CLDN16: variants seen among roughly 807,000 people sequenced by gnomAD.
CLDN16 encodes the protein claudin-16.
In CLDN16, 13 loss-of-function variants were observed where a neutral mutation model predicts 24.6. The observed-to-expected ratio is 0.53, with a 90% confidence interval of 0.34 to 0.84. The LOEUF (loss-of-function observed/expected upper bound fraction) is 0.84, where lower values mean the gene tolerates loss of function less well. Ranked by LOEUF, CLDN16 falls within the 40% of genes least tolerant of loss-of-function variation. The pLI, the probability that CLDN16 is intolerant of heterozygous loss-of-function variation, is 0.01. For missense variants in CLDN16, 298 were observed against 292.7 expected (o/e 1.02, Z -0.13); for synonymous variants, 116 against 106.7 (o/e 1.09, Z -0.54).
chr3:190,356,737 T>C (rs980101676), intron 1 of CLDN16, among the ~76,000 whole-genome samples: 1 of 151,926 alleles, frequency 6.6e-6, no homozygotes, highest in African/African-American at 2.4e-5. Flanking sequence ...CCTACTGAAA[T>C]AAATATTCCA....
At chr3:190,355,187 C>T (rs1202346435) in intron 1 of CLDN16, among the ~76,000 whole-genome samples, 1 of 151,926 alleles carries the variant, frequency 6.6e-6, no homozygotes, top group Admixed American at 6.6e-5. Context: ...TTATTATATA[C>T]TTTTAGAGAT....
chr3:190,400,847 A>AT (rs1718943662), intron 1 of CLDN16, among the ~76,000 whole-genome samples: 1 of 152,158 alleles, frequency 6.6e-6, no homozygotes, highest in African/African-American at 2.4e-5. Flanking sequence ...TTGTTGGATC[A>AT]TAAAGAATGG....
At chr3:190,374,313 G>GTGTGTGTGTGTGTGTGTGTGTGT (rs761347927) in intron 2 of CLDN16, among the ~76,000 whole-genome samples, 1 of 141,084 alleles carries the variant, frequency 7.1e-6, no homozygotes, top group African/African-American at 2.6e-5. Flanking sequence ...GTGTGTGTGT[G>GTGTGTGTGTGTGTGTGTGTGTGT]GTTTTCCCTG....
chr3:190,387,476 C>T (rs1007599363), upstream of CLDN16, among the ~76,000 whole-genome samples: 4 of 152,242 alleles, frequency 2.6e-5, no homozygotes, highest in African/African-American at 9.6e-5. Context: ...CTGACAGATG[C>T]TATTCTAAGC....
At chr3:190,304,587 A>G in the CLDN16 span, among the ~76,000 whole-genome samples, 1 of 152,170 alleles carries the variant, frequency 6.6e-6, no homozygotes, top group Non-Finnish European at 1.5e-5. Context: ...TTAGGACTCA[A>G]CAAGCCATCC....
At chr3:190,306,020 T>A in the CLDN16 span, 2 of 152,218 alleles carry the variant, frequency 1.3e-5, no homozygotes, top group African/African-American at 2.4e-5. Context: ...ACACTAAAAT[T>A]TATTAGGTCC....
At chr3:190,388,079 C>T (rs192579160), upstream of CLDN16, 938 of 1,584,382 alleles carry the variant, frequency 5.9e-4, 5 homozygotes, top group African/African-American at 9.6e-3. Flanking sequence ...TCAGCCCTTG[C>T]ACTGACCTGC....
At chr3:190,325,107 C>T (rs998341783) in intron 1 of CLDN16, among the ~76,000 whole-genome samples, 2 of 152,172 alleles carry the variant, frequency 1.3e-5, no homozygotes, top group Admixed American at 6.5e-5. Context: ...TGACAGCTGG[C>T]ACTTGTTGCT....
chr3:190,410,124 A>G lies in CLDN16; in HGVS notation c.*88A>G. 7.1e-7 allele frequency: 1 copy of G among 1,417,236 alleles called. No individual in the cohort carries two copies. 87.8% of individuals were successfully genotyped at this position (1,417,236 alleles called of 1,614,324 possible). A position where few individuals can be genotyped will look rare whatever the true frequency, so the allele number is the denominator to read the frequency against. On this transcript the variant is annotated 3_prime_UTR_variant, in exon 5 of 5. Coordinates refer to ENST00000264734, the MANE Select transcript of CLDN16 (RefSeq NM_006580.4). ...ATAGTAAGTCAATCCAGGAACAGTT[A>G]TTTAGAATTCATATTGAATTAAATT...
chr3:190,313,747 GCACACACAATAA>G, the CLDN16 span, among the ~76,000 whole-genome samples: 1 of 152,102 alleles, frequency 6.6e-6, no homozygotes, highest in South Asian at 2.1e-4. Flanking sequence ...TTGTAAAATA[GCACACACAATAA>G]TTCAATGTAG....
At position 190,366,769 on chromosome 3, in the gene CLDN16, A is replaced by G. The variant is rs148679843; in HGVS notation, n.122-4124A>G. Among the ~76,000 whole-genome samples, 572 of 152,084 alleles carry G rather than the reference A, an allele frequency of 3.8e-3. 5 individuals are homozygous for G. The highest frequency in any genetic ancestry group is 0.013 in the African/African-American group (549 of 41,550). ...CCAGGAGGGAGGGTATCCTTAGGAA[A>G]GAAGCTCCCTATAACAGAGCAGTCG... On this transcript the variant is annotated intron_variant and non_coding_transcript_variant, in intron 1 of 4. Transcript: ENST00000468220.
intron 1 of CLDN16, among the ~76,000 whole-genome samples, chr3:190,351,255 C>CA (rs1393919776): frequency 4.6e-5 from 7 of 151,866 alleles, no homozygotes; most frequent in Admixed American, 3.9e-4. Context: ...AACCATGAGC[C>CA]AAAAAACCTC....
rs144128108 is a variant in CLDN16 at position 190,378,082 on chromosome 3, T to C, written n.306+3479T>C. On this transcript the variant is annotated intron_variant and non_coding_transcript_variant, in intron 3 of 4. Coordinates refer to the CLDN16 transcript ENST00000468220. ...TCCATTATTTACTTACTGGAAAAAC[T>C]GGGATAAGTTACCACCCCAATCATC... 4.6e-3 allele frequency among the ~76,000 whole-genome samples: 693 copies of C among 152,144 alleles called. 6 individuals carry two copies. The highest frequency in any genetic ancestry group is 0.016 in the African/African-American group (660 of 41,552).
the CLDN16 span, among the ~76,000 whole-genome samples, chr3:190,300,738 T>C: frequency 6.6e-6 from 1 of 152,204 alleles, no homozygotes; most frequent in East Asian, 1.9e-4. Context: ...GCCATCATGC[T>C]TTTGCAAGTC....
chr3:190,374,939 C>T (rs1458444412), intron 3 of CLDN16, among the ~76,000 whole-genome samples: 1 of 151,876 alleles, frequency 6.6e-6, no homozygotes, highest in East Asian at 1.9e-4. Context: ...GAATAGGGAA[C>T]AGTTAAATAA....
the CLDN16 span, among the ~76,000 whole-genome samples, chr3:190,311,251 G>T: frequency 6.6e-6 from 1 of 152,316 alleles, no homozygotes; most frequent in African/African-American, 2.4e-5. Flanking sequence ...AGAATGCAAT[G>T]CATTTCATCC....
intron 2 of CLDN16, among the ~76,000 whole-genome samples, chr3:190,371,437 A>G (rs1203663172): frequency 6.6e-6 from 1 of 151,864 alleles, no homozygotes; most frequent in Non-Finnish European, 1.5e-5. Flanking sequence ...CTGCCATGCC[A>G]GGATATAGGA....
rs1462564694 is a variant in CLDN16, at chr3:190,404,878, A to G, written c.334A>G (p.Ile112Val). Residue 112 changes from isoleucine to valine, a missense_variant, in exon 3 of 5, where the codon ATT becomes GTT. Ile to Val is a conservative substitution (Grantham distance 29). Coordinates refer to ENST00000264734, the MANE Select transcript of CLDN16 (RefSeq NM_006580.4). ...GAAATTCCTCCCTGATGAGCCGTAC[A>G]TTAAAGTCCGCATCTGCTTTGTTGC... ...CVKFLPDEPY[I>V]KVRICFVAGA... 2.5e-6 allele frequency: 4 copies of G among 1,613,982 alleles called. No homozygotes were observed. The highest frequency in any genetic ancestry group is 1.7e-5 in the Admixed American group (1 of 59,990).
upstream of CLDN16, chr3:190,322,487 G>A (rs1406833577): frequency 4.4e-6 from 2 of 454,294 alleles, no homozygotes; most frequent in Admixed American, 3.7e-5. Flanking sequence ...AGCTCCGCCC[G>A]CCTCAGCCCC....
Sources: allele counts gnomAD v4.1 joint callset (sites outside exome capture counted in the v4.1 genomes callset), GRCh38; gene constraint gnomAD v4.1.1; transcripts MANE v1.5; gene names NCBI Gene and HGNC (gene_info 2026-07-23, HGNC 2026-07-21).